TEAD4: variants seen among roughly 807,000 people sequenced by gnomAD.
TEAD4 encodes the protein TEA domain transcription factor 4, also known as transcriptional enhancer factor TEF-3.
In TEAD4, 36 loss-of-function variants were observed where a neutral mutation model predicts 52.4. That is an observed-to-expected ratio of 0.69 (90% CI 0.53 to 0.91). TEAD4 has a LOEUF of 0.91. TEAD4 is among the 40% of genes least tolerant of loss of function. The pLI is 0.00. For synonymous variants in TEAD4, 220 were observed against 231.0 expected (o/e 0.95, Z 0.43); for missense variants, 508 against 583.9 (o/e 0.87, Z 1.34).
chr12:2,971,716 C>G (rs946504533), intron 2 of TEAD4, among the ~76,000 whole-genome samples: 3 of 151,734 alleles, frequency 2.0e-5, no homozygotes, highest in Non-Finnish European at 4.4e-5. Context: ...ACCTCATGAT[C>G]TGCCCGCCAC....
chr12:3,029,405 T>C (rs1003572034), intron 10 of TEAD4, among the ~76,000 whole-genome samples: 1 of 152,034 alleles, frequency 6.6e-6, no homozygotes, highest in South Asian at 2.1e-4. Flanking sequence ...GCCCAGCTAA[T>C]TTTTTTGTAT....
intron 3 of TEAD4, among the ~76,000 whole-genome samples, chr12:2,997,256 C>T (rs1050268936): frequency 6.6e-6 from 1 of 152,208 alleles, no homozygotes; most frequent in African/African-American, 2.4e-5. Flanking sequence ...AAGGAAGACA[C>T]TGGGAAACTA....
Position 2,994,278 on chromosome 12 carries a change from G to C in TEAD4, c.-29-460G>C, listed in dbSNP as rs2098245414. On this transcript the variant is annotated intron_variant, in intron 2 of 12. Transcript: ENST00000359864. The surrounding 1 kb of genome is among the most constrained non-coding windows in gnomAD (Gnocchi z 4.7). ...TTTAGTAGAAACGGGGTTTCACCAT[G>C]TTGGCCAGGCTGGTCTCGAGTTCCT... is the stretch of plus-strand genomic sequence containing the variant. Among the ~76,000 whole-genome samples, 1 of 152,106 alleles carries C rather than the reference G, an allele frequency of 6.6e-6. No individual in the cohort carries two copies. The highest frequency in any genetic ancestry group is 1.5e-5 in the Non-Finnish European group (1 of 68,010).
At chr12:2,968,421 G>A (rs1354630111) in intron 2 of TEAD4, among the ~76,000 whole-genome samples, 3 of 85,438 alleles carry the variant, frequency 3.5e-5, no homozygotes, top group Non-Finnish European at 4.2e-5. Context: ...TTGTGAGACA[G>A]GGTCTTAACT....
intron 6 of TEAD4, 32 bp from the exon 7 acceptor site, chr12:3,018,513 C>T: frequency 6.2e-7 from 1 of 1,614,000 alleles, no homozygotes; most frequent in South Asian, 1.1e-5. Flanking sequence ...GCACCTGGGG[C>T]CGTGCTGATT....
At chr12:2,984,080 GAGAA>G (rs1386523973) in intron 2 of TEAD4, among the ~76,000 whole-genome samples, 1 of 152,216 alleles carries the variant, frequency 6.6e-6, no homozygotes, top group Non-Finnish European at 1.5e-5. Flanking sequence ...ACCAGGAGTG[GAGAA>G]AGAGCCTAGC....
chr12:3,022,092 A>G, intron 10 of TEAD4, 75 bp downstream of exon 10: 1 of 1,559,652 alleles, frequency 6.4e-7, no homozygotes, highest in South Asian at 1.2e-5. Context: ...GAGTGCCCAG[A>G]GTGTGCCCTT....
At chr12:3,039,994 A>T (rs2098281702) in intron 11 of TEAD4, 113 bp from the exon 12 acceptor site, 1 of 1,422,524 alleles carries the variant, frequency 7.0e-7, no homozygotes, top group Middle Eastern at 1.9e-4. Flanking sequence ...GCTGGGGGTG[A>T]CTCTTTTCTT....
intron 2 of TEAD4, among the ~76,000 whole-genome samples, chr12:2,964,885 G>C (rs2098219010): frequency 6.6e-6 from 1 of 152,098 alleles, no homozygotes; most frequent in Non-Finnish European, 1.5e-5. Flanking sequence ...ACTTTGTGAG[G>C]AGGCCACAGC....
chr12:3,038,526 C>T (rs934852118), intron 11 of TEAD4, among the ~76,000 whole-genome samples: 1 of 152,224 alleles, frequency 6.6e-6, no homozygotes, highest in African/African-American at 2.4e-5. Flanking sequence ...CTGTCCCCTG[C>T]TCACTTTGAA....
At chr12:2,979,288 G>T (rs1406314329) in intron 2 of TEAD4, among the ~76,000 whole-genome samples, 1 of 152,138 alleles carries the variant, frequency 6.6e-6, no homozygotes, top group Non-Finnish European at 1.5e-5. Context: ...TTCCTCTATT[G>T]ATGGACATTT....
At chr12:2,992,282 G>C (rs1195831326) in intron 2 of TEAD4, among the ~76,000 whole-genome samples, 1 of 152,114 alleles carries the variant, frequency 6.6e-6, no homozygotes, top group Admixed American at 6.5e-5. Context: ...GCCTCCCAAA[G>C]TGCTGGGATT....
At chr12:2,979,485 A>C (rs2098232457) in intron 2 of TEAD4, among the ~76,000 whole-genome samples, 1 of 152,248 alleles carries the variant, frequency 6.6e-6, no homozygotes, top group Admixed American at 6.5e-5. Flanking sequence ...AGGTAGACGA[A>C]GTGCGGCGTT....
intron 10 of TEAD4, among the ~76,000 whole-genome samples, chr12:3,032,147 G>A (rs1029415934): frequency 6.6e-6 from 1 of 152,220 alleles, no homozygotes; most frequent in Non-Finnish European, 1.5e-5. Context: ...CAGGAAGGAA[G>A]GAGGACCTAG....
intron 3 of TEAD4, among the ~76,000 whole-genome samples, chr12:3,008,408 C>G (rs2098257614): frequency 6.6e-6 from 1 of 152,108 alleles, no homozygotes; most frequent in Admixed American, 6.6e-5. Context: ...AGAGAGGTGA[C>G]TGAACTGGGG....
intron 2 of TEAD4, among the ~76,000 whole-genome samples, chr12:2,972,304 A>C (rs991061503): frequency 6.6e-6 from 1 of 151,598 alleles, no homozygotes; most frequent in Non-Finnish European, 1.5e-5. Flanking sequence ...CTGGTCTCAA[A>C]CTCCTGGGCT....
chr12:2,974,990 A>G (rs187582095), intron 2 of TEAD4, among the ~76,000 whole-genome samples: 61 of 152,212 alleles, frequency 4.0e-4, no homozygotes, highest in Non-Finnish European at 6.5e-4. Flanking sequence ...AGTGAAGCCA[A>G]TTGGTTTGGT....
chr12:2,963,189 C>T (rs1347594063), intron 2 of TEAD4, among the ~76,000 whole-genome samples: 1 of 152,202 alleles, frequency 6.6e-6, no homozygotes, highest in African/African-American at 2.4e-5. Flanking sequence ...TTTTAGATCT[C>T]CTGGGTTGCA....
In TEAD4 at chr12:2,966,315, G is replaced by A. The variant is rs1052337727; in HGVS notation, c.-30+6275G>A. 5.3e-5 allele frequency among the ~76,000 whole-genome samples: 8 copies of A among 152,100 alleles called. 1 individual carries two copies. The South Asian group carries it at 8.3e-4, about 16-fold the overall frequency. Reference sequence around the variant, plus strand: ...TGTGAAGAGGTCCCCGTGATGTGCCGCAGGGCTGTCTTTGGCTTAGTCCTC... The same window carrying A: ...TGTGAAGAGGTCCCCGTGATGTGCCACAGGGCTGTCTTTGGCTTAGTCCTC... On this transcript the variant is annotated intron_variant, in intron 2 of 12. Coordinates refer to ENST00000359864, the MANE Select transcript of TEAD4 (RefSeq NM_003213.4).
Sources: gnomAD v4.1 joint callset for allele counts (sites outside exome capture counted in the v4.1 genomes callset) on GRCh38, gnomAD v4.1.1 for gene constraint, Gnocchi (gnomAD v3.1) non-coding constraint, MANE v1.5 for transcripts, NCBI Gene and HGNC (gene_info 2026-07-23, HGNC 2026-07-21) for gene names.